Variants in KIF6 observed in about 807,000 individuals in gnomAD.
KIF6 encodes the protein kinesin-like protein KIF6.
KIF6 carries 106 observed loss-of-function variants against 112.7 expected under a neutral mutation model. The ratio of observed to expected loss-of-function variants is 0.94; its 90% CI spans 0.80 to 1.11. The LOEUF (loss-of-function observed/expected upper bound fraction) is 1.11. Ranked by LOEUF, KIF6 falls within the 50% of genes least tolerant of loss-of-function variation. The pLI, the probability that KIF6 is intolerant of heterozygous loss-of-function variation, is 0.00. For missense variants in KIF6, 929 were observed against 964.0 expected, an observed-to-expected ratio of 0.96 and a Z score of 0.48; for synonymous variants, 339 against 339.9, an observed-to-expected ratio of 1.00 and a Z score of 0.03.
rs1778700416 is a variant in KIF6, at chr6:39,540,066, G to C, written c.1582C>G (p.Pro528Ala). ...ATGCTGAAGTCCTGGGCCTGTGAGG[G>C]AGCTGAGGATAGTCGCATTCTTTGA... ...EGQRMRLSSA[P>A]SQAQDFSILG... Residue 528 changes from proline to alanine, a missense_variant, in exon 13 of 23, where the codon CCC (proline) becomes GCC (alanine). Physicochemically the swap from Pro to Ala is conservative, Grantham distance 27. Coordinates refer to ENST00000287152, the MANE Select transcript of KIF6 (RefSeq NM_145027.6). 7 of 1,613,950 alleles carry C rather than the reference G, an allele frequency of 4.3e-6. No homozygotes were observed. Among genetic ancestry groups the C allele is most frequent in the Non-Finnish European group, 4.2e-6 (5 of 1,179,994 alleles).
rs1314839723 is a variant in KIF6, at chr6:39,397,236, T to C, written c.1811-11564A>G. ...TAATGGGGTCTTCCATATTCCGTTA[T>C]AGTCAAATATGATTGATTTCTGTAA... On this transcript the variant is annotated intron_variant, in intron 15 of 22. Coordinates refer to ENST00000287152, the MANE Select transcript of KIF6 (RefSeq NM_145027.6). 2.6e-5 allele frequency among the ~76,000 whole-genome samples: 4 copies of C among 152,238 alleles called. No individual in the cohort carries two copies. The East Asian group carries it at 5.8e-4, about 22-fold the overall frequency.
intron 13 of KIF6, among the ~76,000 whole-genome samples, chr6:39,436,394 T>C (rs898906294): frequency 6.6e-6 from 1 of 152,136 alleles, no homozygotes; most frequent in African/African-American, 2.4e-5. Flanking sequence ...TACTTTTGTT[T>C]TTGTTGCATT....
intron 13 of KIF6, among the ~76,000 whole-genome samples, chr6:39,434,154 C>G (rs960538820): frequency 6.6e-6 from 1 of 152,040 alleles, no homozygotes; most frequent in African/African-American, 2.4e-5. Context: ...TTTATTCTCT[C>G]AAGAAGTATT....
intron 5 of KIF6, among the ~76,000 whole-genome samples, chr6:39,623,282 C>A (rs1275131617): frequency 1.3e-5 from 2 of 152,126 alleles, no homozygotes; most frequent in Non-Finnish European, 2.9e-5. Flanking sequence ...TCTTGGTTGT[C>A]TATCCTTTCA....
intron 13 of KIF6, among the ~76,000 whole-genome samples, chr6:39,524,958 A>T (rs1170526130): frequency 1.3e-5 from 2 of 152,228 alleles, no homozygotes; most frequent in Admixed American, 6.5e-5. Context: ...AATGAAAATT[A>T]TCTGTGTTCT....
At chr6:39,496,078 G>A (rs1581980249) in intron 13 of KIF6, among the ~76,000 whole-genome samples, 1 of 152,222 alleles carries the variant, frequency 6.6e-6, no homozygotes, top group East Asian at 1.9e-4. Context: ...TCCTCAAGCT[G>A]CCAGCCTGTT....
chr6:39,705,756 C>A (rs1789170967), intron 3 of KIF6, among the ~76,000 whole-genome samples: 1 of 152,200 alleles, frequency 6.6e-6, no homozygotes, highest in African/African-American at 2.4e-5. Context: ...AACTCTGAGA[C>A]ATGTTCCTAA....
chr6:39,515,836 G>C (rs1447338651), intron 13 of KIF6, among the ~76,000 whole-genome samples: 1 of 152,176 alleles, frequency 6.6e-6, no homozygotes, highest in African/African-American at 2.4e-5. Context: ...TAAATCGACT[G>C]TGAGATATCA....
In KIF6 at chr6:39,362,462, G is replaced by A. The variant is rs776962531; in HGVS notation, c.1918C>T (p.Arg640Ter). The A allele has an allele frequency of 3.1e-6, 5 of 1,613,974 alleles. No homozygotes were observed. Among genetic ancestry groups the A allele is most frequent in the East Asian group, 4.5e-5 (2 of 44,874 alleles). Reference sequence around the variant, plus strand: ...CTCTTTTCTTCCTCCAGTTGTGATCGCAGCTTCTCCTCCTGCTGGTCTGGC... The same window carrying A: ...CTCTTTTCTTCCTCCAGTTGTGATCACAGCTTCTCCTCCTGCTGGTCTGGC... ...LMPDQQEEKLRSQLEEEKRRY... is the reference protein window; with the variant it reads ...LMPDQQEEKL Residue 640 changes from arginine (R) to a stop codon, truncating the protein, a stop_gained, in exon 17 of 23, where the codon CGA becomes TGA. Coordinates refer to ENST00000287152, the MANE Select transcript of KIF6 (RefSeq NM_145027.6). LOFTEE classifies it high-confidence loss of function.
At chr6:39,521,036 A>G (rs951976385) in intron 13 of KIF6, among the ~76,000 whole-genome samples, 2 of 152,220 alleles carry the variant, frequency 1.3e-5, no homozygotes, top group Admixed American at 1.3e-4. Context: ...GCACTGCCAG[A>G]AACCATTTTC....
chr6:39,558,740 A>G lies in KIF6; in HGVS notation c.1182-13052T>C, dbSNP rs1367451189. On this transcript the variant is annotated intron_variant, in intron 10 of 22. Transcript: ENST00000287152. ...TTCTGATGAAAGAGCTGTCTAGGCCAAAAGAATCCAACATATCAGCCATAG... is the reference window on the plus strand; with the variant it reads ...TTCTGATGAAAGAGCTGTCTAGGCCGAAAGAATCCAACATATCAGCCATAG... 2.0e-5 allele frequency among the ~76,000 whole-genome samples: 3 copies of G among 152,204 alleles called. No individual in the cohort carries two copies. In the East Asian group the frequency reaches 5.8e-4, roughly 29 times the overall value.
chr6:39,428,182 G>C (rs1192100667), intron 14 of KIF6, among the ~76,000 whole-genome samples: 1 of 152,184 alleles, frequency 6.6e-6, no homozygotes, highest in South Asian at 2.1e-4. Context: ...AATTTAATTA[G>C]AATATCTGGG....
chr6:39,631,060 A>G (rs189544619), intron 5 of KIF6, among the ~76,000 whole-genome samples: 144 of 152,166 alleles, frequency 9.5e-4, no homozygotes, highest in African/African-American at 3.2e-3. Context: ...TACATTTTTG[A>G]ATATAATCTG....
At chr6:39,476,497 G>C (rs898166560) in intron 13 of KIF6, among the ~76,000 whole-genome samples, 2 of 152,174 alleles carry the variant, frequency 1.3e-5, no homozygotes, top group South Asian at 4.1e-4. Flanking sequence ...TCTAACTCCA[G>C]CCAATGATGG....
chr6:39,634,465 C>T (rs987069576), intron 5 of KIF6, among the ~76,000 whole-genome samples: 4 of 152,068 alleles, frequency 2.6e-5, no homozygotes, highest in African/African-American at 7.2e-5. Context: ...CTTATTGCTG[C>T]TTGAACTCTA....
intron 10 of KIF6, among the ~76,000 whole-genome samples, chr6:39,563,359 A>G (rs1329710505): frequency 6.6e-6 from 1 of 152,200 alleles, no homozygotes; most frequent in Admixed American, 6.5e-5. Context: ...ATACACATAT[A>G]TTTATCATCT....
chr6:39,414,523 G>A (rs1344944881), intron 15 of KIF6, among the ~76,000 whole-genome samples: 1 of 152,226 alleles, frequency 6.6e-6, no homozygotes, highest in Non-Finnish European at 1.5e-5. Context: ...AACGCTGAGT[G>A]GCGCACATGG....
At chr6:39,448,925 CTAAT>C (rs1226870365) in intron 13 of KIF6, among the ~76,000 whole-genome samples, 1 of 152,182 alleles carries the variant, frequency 6.6e-6, no homozygotes, top group African/African-American at 2.4e-5. Flanking sequence ...GCTGTTCCCC[CTAAT>C]TGTTTCCATA....
At chr6:39,633,251 T>G (rs926449194) in intron 5 of KIF6, among the ~76,000 whole-genome samples, 1 of 152,138 alleles carries the variant, frequency 6.6e-6, no homozygotes, top group Non-Finnish European at 1.5e-5. Context: ...TCTTTTCATC[T>G]GAATCTAATC....
Sources: gnomAD v4.1 joint callset for allele counts (sites outside exome capture counted in the v4.1 genomes callset) on GRCh38, gnomAD v4.1.1 for gene constraint, MANE v1.5 for transcripts, NCBI Gene and HGNC (gene_info 2026-07-23, HGNC 2026-07-21) for gene names.